SDK1: variants seen among roughly 807,000 people sequenced by gnomAD.
The protein encoded by SDK1 is protein sidekick-1.
A neutral mutation model predicts 245.5 loss-of-function variants in SDK1; 157 were observed. The observed-to-expected ratio is 0.64, with a 90% CI of 0.56 to 0.73. The LOEUF is 0.73. SDK1 is among the 30% of genes least tolerant of loss of function. SDK1 has a pLI of 0.00. For missense variants in SDK1, 3,583 were observed against 3,002.3 expected (o/e 1.19, Z -4.52); for synonymous variants, 1,647 against 1,278.5 (o/e 1.29, Z -6.15).
At position 4,100,574 on chromosome 7, in the gene SDK1, C is replaced by T. The variant is rs1108129; in HGVS notation, c.3325-10089C>T. Among the ~76,000 whole-genome samples, 296 of 152,228 alleles carry T rather than the reference C, an allele frequency of 1.9e-3. 1 individual carries two copies. Among genetic ancestry groups the T allele is most frequent in the African/African-American group, 7.0e-3 (292 of 41,552 alleles). The stretch of plus-strand genomic sequence containing the variant: ...GGAGCCCTCACCAATGCGATGAGTG[C>T]CCCTCTCCTTCCACCACGTGAGGAC... On this transcript the variant is annotated intron_variant, in intron 22 of 44. Transcript: ENST00000404826.
intron 4 of SDK1, among the ~76,000 whole-genome samples, chr7:3,810,185 T>C (rs970855343): frequency 3.3e-5 from 5 of 152,220 alleles, no homozygotes; most frequent in Admixed American, 6.5e-5. Flanking sequence ...GGAGCAGTTT[T>C]AGTTGGTCCT....
At chr7:3,778,865 A>G (rs534838991) in intron 4 of SDK1, among the ~76,000 whole-genome samples, 7 of 152,346 alleles carry the variant, frequency 4.6e-5, no homozygotes, top group African/African-American at 1.7e-4. Context: ...CCAGTAAAAC[A>G]CTACTCAGGT....
At chr7:3,600,753 T>G (rs1781230021) in intron 1 of SDK1, among the ~76,000 whole-genome samples, 2 of 152,012 alleles carry the variant, frequency 1.3e-5, no homozygotes, top group African/African-American at 4.8e-5. Flanking sequence ...TTTCACCGTG[T>G]TAGCCAGGAT....
intron 1 of SDK1, among the ~76,000 whole-genome samples, chr7:3,449,132 C>T (rs2128591028): frequency 6.6e-6 from 1 of 152,290 alleles, no homozygotes; most frequent in South Asian, 2.1e-4. Context: ...TGAGTCCTTT[C>T]TTTACAACAT....
intron 5 of SDK1, among the ~76,000 whole-genome samples, chr7:3,869,903 C>T (rs1350385626): frequency 6.6e-6 from 1 of 152,090 alleles, no homozygotes; most frequent in Non-Finnish European, 1.5e-5. Context: ...AAAGAAAATG[C>T]TGTTGAAATT....
rs1784891443 is a variant in SDK1, at chr7:4,132,386, G to A, written c.4191G>A (p.Val1397=). 1.2e-6 allele frequency: 2 copies of A among 1,613,030 alleles called. No individual in the cohort carries two copies. Among genetic ancestry groups the A allele is most frequent in the Non-Finnish European group, 1.7e-6 (2 of 1,179,480 alleles). The change falls in exon 28 of 45, where the codon GTG becomes GTA. Residue 1397 remains valine (V), a synonymous_variant. Transcript: ENST00000404826. ...TGAGACTCACCTCCGTGCGGATAGT[G>A]TGGCAACCTCCGGAGGAGCCCAACG... ...PEVRLTSVRI[V]WQPPEEPNGI... is the part of the protein sequence containing the mutation.
intron 4 of SDK1, among the ~76,000 whole-genome samples, chr7:3,782,858 C>T (rs1018651309): frequency 6.6e-6 from 1 of 152,094 alleles, no homozygotes; most frequent in African/African-American, 2.4e-5. Flanking sequence ...GTCTGTACTT[C>T]CAAAAATCTT....
intron 1 of SDK1, among the ~76,000 whole-genome samples, chr7:3,587,017 G>C (rs181708068): frequency 6.1e-4 from 93 of 152,292 alleles, no homozygotes; most frequent in Non-Finnish European, 1.0e-3. Flanking sequence ...AGGAGGAGGA[G>C]GAAGGACCCT....
intron 5 of SDK1, among the ~76,000 whole-genome samples, chr7:3,840,727 T>C (rs1441275913): frequency 6.6e-6 from 1 of 152,262 alleles, no homozygotes; most frequent in Non-Finnish European, 1.5e-5. Context: ...CGAGTTGTGC[T>C]ACTCAGAAGG....
At chr7:4,093,458 CAA>C (rs71032922) in intron 22 of SDK1, among the ~76,000 whole-genome samples, 4,062 of 77,404 alleles carry the variant, frequency 0.052, 44 homozygotes, top group African/African-American at 0.089. Context: ...AAATGGAAAG[CAA>C]AAAAAAAAAA....
chr7:3,594,912 A>C (rs1249609126), intron 1 of SDK1, among the ~76,000 whole-genome samples: 3 of 152,206 alleles, frequency 2.0e-5, no homozygotes, highest in African/African-American at 7.2e-5. Context: ...GGTAAAGCTA[A>C]ATCATCATTA....
At chr7:4,042,159 A>G (rs7805307) in intron 17 of SDK1, among the ~76,000 whole-genome samples, 14,592 of 135,070 alleles carry the variant, frequency 0.11, 4,819 homozygotes, top group African/African-American at 0.39. Context: ...TTATGGCTAC[A>G]AAAACTAACA....
At chr7:3,419,936 G>A (rs188746495) in intron 1 of SDK1, among the ~76,000 whole-genome samples, 4 of 152,314 alleles carry the variant, frequency 2.6e-5, no homozygotes, top group Admixed American at 6.5e-5. Context: ...ACGCAAAGCC[G>A]TTAGAGATGT....
chr7:3,916,603 T>C (rs1475257460), intron 5 of SDK1, among the ~76,000 whole-genome samples: 1 of 152,222 alleles, frequency 6.6e-6, no homozygotes, highest in Non-Finnish European at 1.5e-5. Context: ...AACTAATTAC[T>C]TAAGAGACAG....
intron 1 of SDK1, among the ~76,000 whole-genome samples, chr7:3,547,502 A>T (rs995391150): frequency 1.6e-4 from 24 of 152,190 alleles, no homozygotes; most frequent in African/African-American, 5.5e-4. Context: ...GCATTTTATT[A>T]TGTATTATTT....
chr7:4,150,755 G>T (rs1368248852), intron 30 of SDK1, among the ~76,000 whole-genome samples: 1 of 152,208 alleles, frequency 6.6e-6, no homozygotes, highest in Non-Finnish European at 1.5e-5. Context: ...GCTGATTGGA[G>T]TGTGGGTGTA....
At position 4,262,018 on chromosome 7, in the gene SDK1, C is replaced by CT. The variant is rs34610558; in HGVS notation, c.6382-3077dup. ...AATCAATTTCACCCTCTGCTTTCTCCTTTTTTTTTTTTTTTTTTTTTTTTT... is the reference window on the plus strand; with the variant it reads ...AATCAATTTCACCCTCTGCTTTCTCCTTTTTTTTTTTTTTTTTTTTTTTTTT... On this transcript the variant is annotated intron_variant, in intron 44 of 44. Transcript: ENST00000404826. Among the ~76,000 whole-genome samples the CT allele has an allele frequency of 8.5e-3, 506 of 59,264 alleles. 87 individuals carry two copies. The highest frequency in any genetic ancestry group is 0.017 in the African/African-American group (177 of 10,540). 38.9% of individuals were successfully genotyped at this position (59,264 alleles called of 152,430 possible).
chr7:4,086,856 C>G (rs1264360650), intron 22 of SDK1, among the ~76,000 whole-genome samples: 1 of 152,096 alleles, frequency 6.6e-6, no homozygotes, highest in African/African-American at 2.4e-5. Flanking sequence ...CAGCCTTTTG[C>G]ATAGTCATTT....
At chr7:3,950,809 A>T in intron 5 of SDK1, 114 bp from the exon 6 acceptor site, 1 of 701,876 alleles carries the variant, frequency 1.4e-6, no homozygotes, top group Non-Finnish European at 2.5e-6. Context: ...AGGGATTGGT[A>T]CTCTCTTTGG....
Sources: gnomAD v4.1 joint callset for allele counts (sites outside exome capture counted in the v4.1 genomes callset) on GRCh38, gnomAD v4.1.1 for gene constraint, MANE v1.5 for transcripts, NCBI Gene and HGNC (gene_info 2026-07-23, HGNC 2026-07-21) for gene names.